Variants in NAALADL2 observed in about 807,000 individuals in gnomAD.
NAALADL2 encodes inactive N-acetylated-alpha-linked acidic dipeptidase-like protein 2.
A neutral mutation model predicts 87.2 loss-of-function variants in NAALADL2; 76 were observed. That is an observed-to-expected ratio of 0.87 (90% CI 0.72 to 1.05). The LOEUF is 1.05. NAALADL2 is among the 50% of genes least tolerant of loss of function. The pLI is 0.00. For synonymous variants in NAALADL2, 354 were observed against 331.0 expected, an observed-to-expected ratio of 1.07 and a Z score of -0.75; for missense variants, 1,089 against 945.8, an observed-to-expected ratio of 1.15 and a Z score of -1.99.
intron 5 of NAALADL2, among the ~76,000 whole-genome samples, chr3:175,372,334 TA>T (rs1766612670): frequency 6.6e-6 from 1 of 152,218 alleles, no homozygotes; most frequent in South Asian, 2.1e-4. Flanking sequence ...TCTCTATATC[TA>T]CCTAGTATCA....
intron 5 of NAALADL2, among the ~76,000 whole-genome samples, chr3:175,415,785 A>G (rs1009500151): frequency 6.6e-6 from 1 of 151,908 alleles, no homozygotes; most frequent in African/African-American, 2.4e-5. Context: ...ATTAGGCAAT[A>G]TATAGCCAGA....
At chr3:174,848,054 T>C (rs1285940739) in intron 3 of NAALADL2, among the ~76,000 whole-genome samples, 5 of 151,860 alleles carry the variant, frequency 3.3e-5, no homozygotes, top group Non-Finnish European at 5.9e-5. Context: ...CTCTACATGA[T>C]ATCCATGGTT....
chr3:175,612,100 A>G (rs1267082929), intron 10 of NAALADL2, among the ~76,000 whole-genome samples: 1 of 152,200 alleles, frequency 6.6e-6, no homozygotes, highest in Non-Finnish European at 1.5e-5. Context: ...ACTTGCATTT[A>G]GCCCTTGGTA....
At chr3:174,965,626 C>G (rs1438214015) in intron 1 of NAALADL2, among the ~76,000 whole-genome samples, 3 of 151,754 alleles carry the variant, frequency 2.0e-5, no homozygotes, top group Non-Finnish European at 4.4e-5. Flanking sequence ...ATATTTTGTG[C>G]TTATATGAAG....
chr3:175,086,648 A>G (rs1336247358), intron 1 of NAALADL2, among the ~76,000 whole-genome samples: 11 of 152,056 alleles, frequency 7.2e-5, no homozygotes, highest in Admixed American at 5.2e-4. Flanking sequence ...TCATATCAGC[A>G]TTACTTTTAT....
chr3:174,792,488 T>G (rs1717579525), intron 3 of NAALADL2, among the ~76,000 whole-genome samples: 1 of 152,196 alleles, frequency 6.6e-6, no homozygotes, highest in Non-Finnish European at 1.5e-5. Flanking sequence ...AAGAGCTCTC[T>G]ACCCATGTTT....
chr3:174,752,934 G>A lies in NAALADL2; in HGVS notation c.-9+15188G>A, dbSNP rs894323573. Reference sequence around the variant, plus strand: ...GATTAAACTGAGCCAGATGATGGAAGGCCTATACACATTTAATAGTATGTA... The same window carrying A: ...GATTAAACTGAGCCAGATGATGGAAAGCCTATACACATTTAATAGTATGTA... On this transcript the variant is annotated intron_variant, in intron 3 of 3. Coordinates refer to the NAALADL2 transcript ENST00000434257. 2.0e-5 allele frequency among the ~76,000 whole-genome samples: 3 copies of A among 152,094 alleles called. 1 individual carries two copies. The highest frequency in any genetic ancestry group is 4.4e-5 in the Non-Finnish European group (3 of 68,018).
chr3:175,694,621 T>C (rs575988781), intron 11 of NAALADL2, among the ~76,000 whole-genome samples: 8 of 152,282 alleles, frequency 5.3e-5, no homozygotes, highest in African/African-American at 1.9e-4. Flanking sequence ...CTTTGAATTC[T>C]ATAATGGGTT....
intron 11 of NAALADL2, among the ~76,000 whole-genome samples, chr3:175,694,984 C>G (rs543924005): frequency 2.6e-5 from 4 of 151,562 alleles, no homozygotes; most frequent in African/African-American, 9.7e-5. Flanking sequence ...TGAGCAGTCT[C>G]GACTTCACTG....
intron 13 of NAALADL2, among the ~76,000 whole-genome samples, chr3:175,797,531 G>A (rs896444590): frequency 7.9e-5 from 12 of 152,052 alleles, no homozygotes; most frequent in Non-Finnish European, 1.0e-4. Context: ...GGTTGTAAAG[G>A]ACAGACTTTT....
intron 2 of NAALADL2, among the ~76,000 whole-genome samples, chr3:174,570,795 T>C (rs566684923): frequency 6.6e-6 from 1 of 152,304 alleles, no homozygotes; most frequent in Admixed American, 6.5e-5. Flanking sequence ...TTATGGTGCA[T>C]TTTGGATAAT....
chr3:175,166,524 T>C (rs564921906), intron 2 of NAALADL2, among the ~76,000 whole-genome samples: 1 of 152,136 alleles, frequency 6.6e-6, no homozygotes, highest in Non-Finnish European at 1.5e-5. Context: ...AACTATTTCC[T>C]TATTAAGAAA....
chr3:174,660,308 A>G (rs1273113310), intron 2 of NAALADL2, among the ~76,000 whole-genome samples: 1 of 152,174 alleles, frequency 6.6e-6, no homozygotes, highest in Non-Finnish European at 1.5e-5. Context: ...TGCAATTTTC[A>G]CTGAATTAGA....
rs527873955 is a variant in NAALADL2, at chr3:175,026,259, G to A, written c.44-70531G>A. 1.1e-4 allele frequency among the ~76,000 whole-genome samples: 16 copies of A among 152,056 alleles called. No individual in the cohort carries two copies. The South Asian group carries it at 2.7e-3, about 26-fold the overall frequency. ...AATACACATGTCTAGGCATATTTTC[G>A]TGTAATCTCATGCACTTTGGAGACT... On this transcript the variant is annotated intron_variant, in intron 1 of 13. Transcript: ENST00000454872.
intron 2 of NAALADL2, among the ~76,000 whole-genome samples, chr3:174,698,779 G>A (rs1371921917): frequency 7.6e-6 from 1 of 131,720 alleles, no homozygotes; most frequent in South Asian, 2.6e-4. Flanking sequence ...CAGGAGAATG[G>A]CGTGAACCCG....
At chr3:175,025,283 C>G (rs983226414) in intron 1 of NAALADL2, among the ~76,000 whole-genome samples, 2 of 151,868 alleles carry the variant, frequency 1.3e-5, no homozygotes, top group East Asian at 3.9e-4. Context: ...TATATTTTGT[C>G]AGGGATGGGT....
At chr3:174,676,214 C>T (rs1727018742) in intron 2 of NAALADL2, among the ~76,000 whole-genome samples, 1 of 151,902 alleles carries the variant, frequency 6.6e-6, no homozygotes, top group Admixed American at 6.6e-5. Flanking sequence ...AGTTTCATGG[C>T]TAAATGAAAT....
intron 5 of NAALADL2, among the ~76,000 whole-genome samples, chr3:175,354,891 C>T (rs1276338148): frequency 6.7e-6 from 1 of 150,178 alleles, no homozygotes; most frequent in Non-Finnish European, 1.5e-5. Context: ...TACACACACA[C>T]ACACACACAC....
chr3:174,949,396 G>C (rs934033093), intron 1 of NAALADL2, among the ~76,000 whole-genome samples: 1 of 152,064 alleles, frequency 6.6e-6, no homozygotes, highest in African/African-American at 2.4e-5. Flanking sequence ...CCAAGGGGTG[G>C]GGAGGGTTGT....
Sources: allele counts gnomAD v4.1 joint callset (sites outside exome capture counted in the v4.1 genomes callset), GRCh38; gene constraint gnomAD v4.1.1; transcripts MANE v1.5; gene names NCBI Gene and HGNC (gene_info 2026-07-23, HGNC 2026-07-21).